Variants in FOXK2 observed in about 807,000 individuals in gnomAD.
The protein encoded by FOXK2 is forkhead box K2.
FOXK2 carries 24 observed loss-of-function variants against 53.3 expected under a neutral mutation model. The ratio of observed to expected loss-of-function variants is 0.45; its 90% CI spans 0.33 to 0.63. The LOEUF is 0.63. FOXK2 is among the 30% of genes least tolerant of loss of function. The pLI is 0.03. For missense variants in FOXK2, 952 were observed against 910.5 expected, an observed-to-expected ratio of 1.05 and a Z score of -0.59; for synonymous variants, 505 against 407.1, an observed-to-expected ratio of 1.24 and a Z score of -2.89.
At chr17:82,595,839 G>A in intron 8 of FOXK2, 1 of 1,289,646 alleles carries the variant, frequency 7.8e-7, no homozygotes, top group South Asian at 1.2e-5. Flanking sequence ...TGCCTCAGTT[G>A]ACACAGCAGG....
At position 82,520,201 on chromosome 17, in the gene FOXK2, C is replaced by A. The variant is rs1254074894; in HGVS notation, c.313C>A (p.Pro105Thr). The A allele has an allele frequency of 7.5e-6, 10 of 1,336,720 alleles. No homozygotes were observed. The highest frequency in any genetic ancestry group is 1.5e-5 in the African/African-American group (1 of 64,554). The allele number at this position is 1,336,720 out of a possible 1,614,324, so 82.8% of individuals were successfully genotyped here. Residue 105 changes from proline to threonine, a missense_variant, in exon 1 of 9, where the codon CCC becomes ACC. Pro to Thr is a conservative substitution (Grantham distance 38, BLOSUM62 -1). This residue lies in a region of FOXK2 where 163 missense variants were observed against 165.5 expected (regional missense o/e 0.98). Transcript: ENST00000335255. ...GGAGCTGCCGCCCGCGCAGCCCAGGCCCGACGCCGGCGGCGACTTCTACCT... is the reference window on the plus strand; with the variant it reads ...GGAGCTGCCGCCCGCGCAGCCCAGGACCGACGCCGGCGGCGACTTCTACCT... ...APELPPAQPR[P>T]DAGGDFYLRC...
At chr17:82,575,886 C>T (rs1268933116) in intron 4 of FOXK2, among the ~76,000 whole-genome samples, 2 of 152,174 alleles carry the variant, frequency 1.3e-5, no homozygotes, top group East Asian at 1.9e-4. Context: ...CAGAGGGTGG[C>T]GGCGGGTTCA....
chr17:82,584,180 G>T lies in FOXK2; in HGVS notation c.1271G>T (p.Ser424Ile), dbSNP rs1487814487. Residue 424 changes from serine to isoleucine, a missense_variant, in exon 6 of 9, where the codon AGC becomes ATC. Ser to Ile is a moderately radical substitution (Grantham distance 142). Transcript: ENST00000335255. ...ATCCAGGAAGCCCGGTTTGCCCAGA[G>T]CGCCCCAGGTGAGACAGCGGGAGAG... ...AVIQEARFAQ[S>I]APGSPLSSQP... 1 of 1,601,578 alleles carries T rather than the reference G, an allele frequency of 6.2e-7. No individual in the cohort carries two copies. Among genetic ancestry groups the T allele is most frequent in the East Asian group, 2.2e-5 (1 of 44,612 alleles).
Position 82,520,077 on chromosome 17 carries a change from C to A in FOXK2, c.189C>A (p.Gly63=). Residue 63 remains glycine (G), a synonymous_variant, in exon 1 of 9, where the codon GGC becomes GGA. Transcript: ENST00000335255. ...CCATCGGCCGCAACTCGTCGCAGGG[C>A]TCGGTGGACGTGAGCATGGGCCACT... The part of the protein sequence containing the change: ...SVTIGRNSSQ[G]SVDVSMGHSS... 6.5e-7 allele frequency: 1 copy of A among 1,545,386 alleles called. No homozygotes were observed.
At chr17:82,520,796 G>C (rs756645249) in intron 1 of FOXK2, among the ~76,000 whole-genome samples, 8 of 152,214 alleles carry the variant, frequency 5.3e-5, no homozygotes, top group Non-Finnish European at 1.2e-4. Flanking sequence ...CAAGAGTGCG[G>C]TGTTTTAAGC....
At chr17:82,528,626 G>A (rs2044442026) in intron 1 of FOXK2, among the ~76,000 whole-genome samples, 1 of 152,154 alleles carries the variant, frequency 6.6e-6, no homozygotes, top group Non-Finnish European at 1.5e-5. Context: ...GGAACAAGGT[G>A]TTACAGCTGT....
chr17:82,590,338 G>A (rs1034766183), intron 8 of FOXK2, among the ~76,000 whole-genome samples: 1 of 152,014 alleles, frequency 6.6e-6, no homozygotes, highest in Admixed American at 6.6e-5. Context: ...TTTTTTATTT[G>A]GGAGGTAGTG....
intron 1 of FOXK2, among the ~76,000 whole-genome samples, chr17:82,548,098 A>G (rs563860788): frequency 1.3e-5 from 2 of 152,242 alleles, no homozygotes. Flanking sequence ...ACGTCTGTGT[A>G]GGAGTCACAT....
At chr17:82,598,204 C>T (rs567444324) in intron 8 of FOXK2, among the ~76,000 whole-genome samples, 3 of 151,966 alleles carry the variant, frequency 2.0e-5, no homozygotes, top group Admixed American at 6.6e-5. Context: ...TCTAGTTTTA[C>T]GTCTTTTTAA....
intron 1 of FOXK2, among the ~76,000 whole-genome samples, chr17:82,545,468 A>G (rs1481951702): frequency 6.6e-6 from 1 of 152,142 alleles, no homozygotes; most frequent in Non-Finnish European, 1.5e-5. Context: ...TGGATATACA[A>G]CGATTCAATA....
intron 1 of FOXK2, among the ~76,000 whole-genome samples, chr17:82,531,760 G>A (rs2044473840): frequency 6.6e-6 from 1 of 152,256 alleles, no homozygotes; most frequent in South Asian, 2.1e-4. Context: ...GGGTGAGTCA[G>A]TGAGTAAATG....
In FOXK2 at chr17:82,602,618, G is replaced by A. The variant is rs4822; in HGVS notation, c.*1119G>A. On this transcript the variant is annotated 3_prime_UTR_variant, in exon 9 of 9. Coordinates refer to ENST00000335255, the MANE Select transcript of FOXK2 (RefSeq NM_004514.4). ...GTCCGAGCCACGTCCTGCAGGGCAC[G>A]TCTGGGGCATTTCCTGTTTTGTGGT... 24,914 of 152,278 alleles carry A rather than the reference G, an allele frequency of 0.16. 2,324 individuals are homozygous for A. The highest frequency in any genetic ancestry group is 0.21 in the Non-Finnish European group (14,144 of 68,042). The allele number at this position is 152,278 out of a possible 1,614,324, so 9.4% of individuals were successfully genotyped here. A position where few individuals can be genotyped will look rare whatever the true frequency, so the allele number is the denominator to read the frequency against.
In FOXK2 at chr17:82,601,371, C is replaced by T. The variant is rs1444220100; in HGVS notation, c.1855C>T (p.His619Tyr). 1.7e-5 allele frequency: 27 copies of T among 1,613,428 alleles called. No individual in the cohort carries two copies. Among genetic ancestry groups the T allele is most frequent in the Non-Finnish European group, 2.3e-5 (27 of 1,180,032 alleles). ...ATCGGCCTCCCTGCCCACAAAGCGC[C>T]ACAACGGTGACCAGCCGGAGCAGCC... is the stretch of plus-strand genomic sequence containing the variant. Reference protein sequence around the residue: ...SASASLPTKRHNGDQPEQPEL... With the variant: ...SASASLPTKRYNGDQPEQPEL... The change falls in exon 9 of 9, where the codon CAC (histidine) becomes TAC (tyrosine). Residue 619 changes from histidine to tyrosine, a missense_variant. By Grantham distance (83) the His-to-Tyr change is moderately conservative. Around this residue, in one of 5 missense-constraint regions of FOXK2, gnomAD observed 551 missense variants for 385.1 expected, o/e 1.43. Transcript: ENST00000335255.
intron 1 of FOXK2, among the ~76,000 whole-genome samples, chr17:82,546,390 C>T (rs6502119): frequency 0.6 from 90,529 of 151,720 alleles, 27,575 homozygotes; most frequent in South Asian, 0.79. Flanking sequence ...GTGCTGGGAT[C>T]GCAGGCATGA....
chr17:82,596,358 G>T (rs567668664), intron 8 of FOXK2, among the ~76,000 whole-genome samples: 1 of 151,812 alleles, frequency 6.6e-6, no homozygotes, highest in Non-Finnish European at 1.5e-5. Flanking sequence ...TCCATGCTTG[G>T]TGTAGGGGGA....
At chr17:82,541,183 G>C (rs2044571358) in intron 1 of FOXK2, among the ~76,000 whole-genome samples, 1 of 152,144 alleles carries the variant, frequency 6.6e-6, no homozygotes, top group Non-Finnish European at 1.5e-5. Flanking sequence ...AGGGACAAAG[G>C]GTGTGGTATA....
chr17:82,559,788 T>C (rs1330238645), intron 1 of FOXK2, among the ~76,000 whole-genome samples: 1 of 151,742 alleles, frequency 6.6e-6, no homozygotes, highest in Non-Finnish European at 1.5e-5. Context: ...TGTATTTATT[T>C]AGAGCAGCAC....
At position 82,584,107 on chromosome 17, in the gene FOXK2, GC is replaced by G; in HGVS notation, c.1204del (p.Leu402TrpfsTer35). 5 of 1,611,136 alleles carry G rather than the reference GC, an allele frequency of 3.1e-6. No individual in the cohort carries two copies. On this transcript the variant is annotated frameshift_variant, in exon 6 of 9. Coordinates refer to ENST00000335255, the MANE Select transcript of FOXK2 (RefSeq NM_004514.4). LOFTEE classifies it high-confidence loss of function. ...PESLSREGSP[A>X]PLEPEPGAAQ... ...GAGCCTGTCGAGGGAAGGTTCGCCG[GC>G]CCCCCTGGAGCCTGAGCCTGGCGCT...
chr17:82,540,629 C>A (rs1039369427), intron 1 of FOXK2, among the ~76,000 whole-genome samples: 2 of 152,158 alleles, frequency 1.3e-5, no homozygotes, highest in African/African-American at 4.8e-5. Context: ...CACGCCTGCC[C>A]ACTGGATGCT....
Sources: gnomAD v4.1 joint callset for allele counts (sites outside exome capture counted in the v4.1 genomes callset) on GRCh38, gnomAD v4.1.1 for gene constraint, gnomAD v4.1.1 regional missense constraint, MANE v1.5 for transcripts, NCBI Gene and HGNC (gene_info 2026-07-23, HGNC 2026-07-21) for gene names.